CAMK2D: variants seen among roughly 807,000 people sequenced by gnomAD.
CAMK2D encodes the protein calcium/calmodulin-dependent protein kinase type II subunit delta.
Under a neutral mutation model 84.0 loss-of-function variants are expected in CAMK2D, and 37 were observed. The ratio of observed to expected loss-of-function variants is 0.44; its 90% CI spans 0.34 to 0.58. The LOEUF is 0.58. CAMK2D is among the 20% of genes least tolerant of loss of function. CAMK2D has a pLI of 0.02. For missense variants in CAMK2D, 448 were observed against 652.5 expected, an observed-to-expected ratio of 0.69 and a Z score of 3.41; for synonymous variants, 202 against 212.5, an observed-to-expected ratio of 0.95 and a Z score of 0.43.
intron 2 of CAMK2D, among the ~76,000 whole-genome samples, chr4:113,715,014 A>T (rs567916992): frequency 1.4e-4 from 22 of 152,236 alleles, no homozygotes; most frequent in African/African-American, 5.3e-4. Context: ...ACCCATCCAT[A>T]CAGATATAGC....
intron 4 of CAMK2D, among the ~76,000 whole-genome samples, chr4:113,581,185 C>A (rs1273670020): frequency 2.0e-5 from 3 of 152,020 alleles, no homozygotes. Flanking sequence ...TTCTATTTGA[C>A]CTTTTCTATA....
chr4:113,732,398 C>T (rs543541315), intron 2 of CAMK2D, among the ~76,000 whole-genome samples: 442 of 152,270 alleles, frequency 2.9e-3, no homozygotes, highest in African/African-American at 9.9e-3. Flanking sequence ...GCTGGAATTA[C>T]AGGTGTGAGC....
In CAMK2D at chr4:113,500,475, C is replaced by T. The variant is rs2098021491; in HGVS notation, c.1123G>A (p.Glu375Lys). The change falls in exon 16 of 21, where the codon GAA becomes AAA. Residue 375 changes from glutamate to lysine, a missense_variant. This residue lies in a region of CAMK2D where 219 missense variants were observed against 272.1 expected (regional missense o/e 0.80). Coordinates refer to ENST00000511664, the MANE Select transcript of CAMK2D (RefSeq NM_001321571.2). ...TESSNTTIED[E>K]DVKARKQEII... ...GGTTAAATCATACCTTTCACATCTT[C>T]ATCCTCAATTGTTGTATTTGAACTC... 1 of 1,596,946 alleles carries T rather than the reference C, an allele frequency of 6.3e-7. No individual in the cohort carries two copies. The highest frequency in any genetic ancestry group is 8.6e-7 in the Non-Finnish European group (1 of 1,167,198).
At chr4:113,471,835 G>A (rs1340306159) in intron 16 of CAMK2D, among the ~76,000 whole-genome samples, 8 of 151,714 alleles carry the variant, frequency 5.3e-5, no homozygotes, top group Non-Finnish European at 1.2e-4. Context: ...TCATGGTCTA[G>A]AAGCTGAAGC....
chr4:113,597,923 G>A (rs2098934549), intron 4 of CAMK2D, among the ~76,000 whole-genome samples: 1 of 152,116 alleles, frequency 6.6e-6, no homozygotes, highest in South Asian at 2.1e-4. Context: ...GGAAAGAATG[G>A]GGGAATGGCC....
chr4:113,552,336 T>C (rs934284722), intron 4 of CAMK2D, among the ~76,000 whole-genome samples: 4 of 152,220 alleles, frequency 2.6e-5, no homozygotes, highest in African/African-American at 9.6e-5. Context: ...ATAAATATAG[T>C]AGGCAATATC....
intron 16 of CAMK2D, among the ~76,000 whole-genome samples, chr4:113,474,137 G>A (rs1350416052): frequency 1.3e-5 from 2 of 152,176 alleles, no homozygotes; most frequent in Non-Finnish European, 1.5e-5. Flanking sequence ...GCTAGAAATA[G>A]CACAGCATTG....
intron 8 of CAMK2D, among the ~76,000 whole-genome samples, chr4:113,522,289 A>C (rs945367876): frequency 5.9e-5 from 9 of 152,232 alleles, no homozygotes; most frequent in African/African-American, 2.2e-4. Flanking sequence ...TGAATATTCT[A>C]AGTAAATAAA....
chr4:113,534,777 A>G (rs985870687), intron 7 of CAMK2D, among the ~76,000 whole-genome samples: 1 of 152,196 alleles, frequency 6.6e-6, no homozygotes, highest in Non-Finnish European at 1.5e-5. Context: ...ACTCAATCTT[A>G]TAACAGTCCT....
intron 3 of CAMK2D, among the ~76,000 whole-genome samples, chr4:113,658,922 T>G (rs572378025): frequency 5.3e-5 from 8 of 152,240 alleles, no homozygotes; most frequent in African/African-American, 1.7e-4. Flanking sequence ...AAACCTCCAG[T>G]GAGGTAACCA....
intron 12 of CAMK2D, among the ~76,000 whole-genome samples, chr4:113,510,292 A>G (rs993125771): frequency 1.3e-5 from 2 of 152,228 alleles, no homozygotes; most frequent in Non-Finnish European, 2.9e-5. Context: ...AAATGGCATT[A>G]TGTATTCTTT....
At chr4:113,584,724 T>C (rs956809316) in intron 4 of CAMK2D, among the ~76,000 whole-genome samples, 2 of 152,148 alleles carry the variant, frequency 1.3e-5, no homozygotes, top group African/African-American at 4.8e-5. Context: ...GAGAAAAAGA[T>C]AGCTGGGGCA....
chr4:113,484,015 G>A (rs900351004), intron 16 of CAMK2D, among the ~76,000 whole-genome samples: 1 of 152,108 alleles, frequency 6.6e-6, no homozygotes, highest in Non-Finnish European at 1.5e-5. Flanking sequence ...GTTAGGTAGG[G>A]AAGATACCGA....
At chr4:113,539,402 G>A (rs2098514729) in intron 6 of CAMK2D, among the ~76,000 whole-genome samples, 1 of 152,230 alleles carries the variant, frequency 6.6e-6, no homozygotes, top group Non-Finnish European at 1.5e-5. Context: ...GGTGTTTGAA[G>A]TCAGGTGATA....
chr4:113,657,907 T>C (rs1462797906), intron 3 of CAMK2D, among the ~76,000 whole-genome samples: 3 of 152,136 alleles, frequency 2.0e-5, no homozygotes, highest in Admixed American at 6.5e-5. Context: ...AATAATAAAA[T>C]AGAGAACAGG....
chr4:113,471,493 A>G (rs974113708), intron 16 of CAMK2D, among the ~76,000 whole-genome samples: 1 of 152,148 alleles, frequency 6.6e-6, no homozygotes, highest in Non-Finnish European at 1.5e-5. Flanking sequence ...TTTTTCTCAC[A>G]AAGTCTGATG....
chr4:113,727,530 G>C (rs1231872671), intron 2 of CAMK2D, among the ~76,000 whole-genome samples: 1 of 152,046 alleles, frequency 6.6e-6, no homozygotes, highest in African/African-American at 2.4e-5. Context: ...AATTCTAAAT[G>C]AATCAAAGAC....
chr4:113,489,560 G>C (rs1206643958), intron 16 of CAMK2D, among the ~76,000 whole-genome samples: 14 of 149,680 alleles, frequency 9.4e-5, no homozygotes, highest in South Asian at 2.1e-4. Flanking sequence ...ATTTGGGTTG[G>C]TTCCAAGTCT....
chr4:113,517,377 G>T (rs536182865), intron 9 of CAMK2D, among the ~76,000 whole-genome samples, 186 bp downstream of exon 9: 13 of 152,266 alleles, frequency 8.5e-5, no homozygotes, highest in Non-Finnish European at 1.9e-4. Flanking sequence ...AGGAGACAGT[G>T]AGTTAAAAGG....
Sources: gnomAD v4.1 joint callset for allele counts (sites outside exome capture counted in the v4.1 genomes callset) on GRCh38, gnomAD v4.1.1 for gene constraint, gnomAD v4.1.1 regional missense constraint, MANE v1.5 for transcripts, NCBI Gene and HGNC (gene_info 2026-07-23, HGNC 2026-07-21) for gene names.